The following SLC25A24 variants were observed in gnomAD, a reference collection of about 807,000 sequenced individuals.
SLC25A24 encodes the protein solute carrier family 25 member 24.
SLC25A24 carries 49 observed loss-of-function variants against 60.7 expected under a neutral mutation model. The observed-to-expected ratio is 0.81, with a 90% CI of 0.64 to 1.02. The LOEUF is 1.02. Among genes scored for constraint, SLC25A24 ranks in the 50% least tolerant of loss-of-function variants. The probability of loss-of-function intolerance (pLI) is 0.00; values close to 1 mark genes in which losing one functional copy is unlikely to be tolerated. For missense variants in SLC25A24, 564 were observed against 586.3 expected (o/e 0.96, Z 0.39); for synonymous variants, 202 against 200.6 (o/e 1.01, Z -0.06).
At chr1:108,175,035 G>A (rs1647619943) in intron 3 of SLC25A24, among the ~76,000 whole-genome samples, 1 of 152,172 alleles carries the variant, frequency 6.6e-6, no homozygotes, top group Non-Finnish European at 1.5e-5. Flanking sequence ...GGTTAACGCT[G>A]GAATGAGTTA....
At chr1:108,141,791 T>C (rs1679450186) in intron 8 of SLC25A24, among the ~76,000 whole-genome samples, 1 of 152,206 alleles carries the variant, frequency 6.6e-6, no homozygotes, top group Non-Finnish European at 1.5e-5. Context: ...ATTTCACTTA[T>C]ACAAGGTATT....
In SLC25A24 at chr1:108,165,777, C is replaced by A. The variant is rs546713628; in HGVS notation, c.399-4484G>T. 2.6e-5 allele frequency among the ~76,000 whole-genome samples: 4 copies of A among 152,216 alleles called. No homozygotes were observed. The South Asian group carries it at 8.3e-4, about 32-fold the overall frequency. Reference sequence around the variant, plus strand: ...GCCAGTCTGTGTCTTTTAATTGGAGCATTTAGTCCATTTACATTTAAAGTT... The same window carrying A: ...GCCAGTCTGTGTCTTTTAATTGGAGAATTTAGTCCATTTACATTTAAAGTT... On this transcript the variant is annotated intron_variant, in intron 3 of 9. Coordinates refer to ENST00000565488, the MANE Select transcript of SLC25A24 (RefSeq NM_013386.5).
At chr1:108,168,874 C>T (rs1346597624) in intron 3 of SLC25A24, among the ~76,000 whole-genome samples, 1 of 151,976 alleles carries the variant, frequency 6.6e-6, no homozygotes, top group Non-Finnish European at 1.5e-5. Context: ...TCTTTTCATT[C>T]CTATGTATGG....
chr1:108,189,855 A>G (rs1458719353), intron 1 of SLC25A24, among the ~76,000 whole-genome samples: 4 of 133,872 alleles, frequency 3.0e-5, no homozygotes, highest in Non-Finnish European at 6.3e-5. Flanking sequence ...AAGATAAAGT[A>G]AAAAAAAATT....
At chr1:108,156,251 A>G (rs1030211096) in intron 5 of SLC25A24, among the ~76,000 whole-genome samples, 15 of 152,228 alleles carry the variant, frequency 9.9e-5, no homozygotes, top group African/African-American at 3.6e-4. Flanking sequence ...CAGGGGTAAT[A>G]AGCTTTCAGT....
chr1:108,161,070 G>A, intron 4 of SLC25A24, 112 bp downstream of exon 4: 1 of 611,570 alleles, frequency 1.6e-6, no homozygotes, highest in Non-Finnish European at 2.9e-6. Flanking sequence ...AGGTTAAGGA[G>A]CTACTGGGAC....
intron 1 of SLC25A24, among the ~76,000 whole-genome samples, chr1:108,189,033 C>T (rs1648249773): frequency 6.6e-6 from 1 of 152,168 alleles, no homozygotes. Flanking sequence ...CAGCAAGTTG[C>T]TTCTTTTTTA....
In SLC25A24 at chr1:108,157,553, T is replaced by C; in HGVS notation, c.578A>G (p.Gln193Arg). 6.2e-7 allele frequency: 1 copy of C among 1,614,136 alleles called. No individual in the cohort carries two copies. The highest frequency in any genetic ancestry group is 1.1e-5 in the South Asian group (1 of 91,068). Residue 193 changes from glutamine (Q) to arginine (R), a missense_variant, in exon 5 of 10, where the codon CAA becomes CGA. Physicochemically the swap from Gln to Arg is conservative, Grantham distance 43. Coordinates refer to ENST00000565488, the MANE Select transcript of SLC25A24 (RefSeq NM_013386.5). ...TCCTGCCAAAAGCTGCCTCCACCAT[T>C]GTCCGGATTTTTTTTCGTCTTCCGT... ...EFTEDEKKSG[Q>R]WWRQLLAGGI...
intron 7 of SLC25A24, 43 bp downstream of exon 7, chr1:108,148,236 A>C (rs1679659949): frequency 8.5e-7 from 1 of 1,178,164 alleles, no homozygotes; most frequent in African/African-American, 1.5e-5. Context: ...TAGACAACCA[A>C]CACGAACACC....
Position 108,161,271 on chromosome 1 carries a change from T to C in SLC25A24, c.421A>G (p.Thr141Ala). 6.3e-7 allele frequency: 1 copy of C among 1,592,132 alleles called. No individual in the cohort carries two copies. The highest frequency in any genetic ancestry group is 8.6e-7 in the Non-Finnish European group (1 of 1,162,358). ...TCTCTCCATTCATTCCAGTCCACTG[T>C]CATTGTCCCATCAACATCAATGCTG... The part of the protein sequence containing the change: ...LQSIDVDGTM[T>A]VDWNEWRDYF... Residue 141 changes from threonine to alanine, a missense_variant, in exon 4 of 10, where the codon ACA becomes GCA. Physicochemically the swap from Thr to Ala is moderately conservative, Grantham distance 58 (BLOSUM62 0). Coordinates refer to ENST00000565488, the MANE Select transcript of SLC25A24 (RefSeq NM_013386.5).
chr1:108,180,818 T>A (rs571981202), intron 3 of SLC25A24, among the ~76,000 whole-genome samples: 25 of 152,326 alleles, frequency 1.6e-4, no homozygotes, highest in African/African-American at 5.8e-4. Flanking sequence ...ATCCAGCCTA[T>A]GGTATTTTGT....
intron 1 of SLC25A24, among the ~76,000 whole-genome samples, chr1:108,194,184 G>A (rs1450716204): frequency 7.2e-6 from 1 of 138,578 alleles, no homozygotes; most frequent in African/African-American, 2.5e-5. Flanking sequence ...AATACTCATA[G>A]GTTTCCCTCT....
chr1:108,139,163 T>G lies in SLC25A24; in HGVS notation c.1144A>C (p.Asn382His). ...CCCAGCAACACCATGACTCCAGGGT[T>G]TACAGAATCTTTTGCAAAATTATCC... ...WLDNFAKDSV[N>H]PGVMVLLGCG... The change falls in exon 9 of 10, where the codon AAC (asparagine) becomes CAC (histidine). Residue 382 changes from asparagine to histidine, a missense_variant. Coordinates refer to ENST00000565488, the MANE Select transcript of SLC25A24 (RefSeq NM_013386.5). The G allele has an allele frequency of 6.2e-7, 1 of 1,608,662 alleles. No individual in the cohort carries two copies. Among genetic ancestry groups the G allele is most frequent in the Non-Finnish European group, 8.5e-7 (1 of 1,177,600 alleles).
intron 8 of SLC25A24, among the ~76,000 whole-genome samples, chr1:108,142,696 T>C (rs757230551): frequency 6.6e-6 from 1 of 152,206 alleles, no homozygotes; most frequent in African/African-American, 2.4e-5. Context: ...ATAGTGTTGA[T>C]GGTTGCACAA....
chr1:108,148,138 T>G, intron 7 of SLC25A24, 141 bp downstream of exon 7: 2 of 643,750 alleles, frequency 3.1e-6, no homozygotes, highest in South Asian at 1.8e-5. Context: ...CCAGCTAAGC[T>G]GCTTCCAGAT....
intron 1 of SLC25A24, 176 bp downstream of exon 1, chr1:108,199,780 G>C: frequency 3.3e-6 from 2 of 598,926 alleles, no homozygotes; most frequent in Non-Finnish European, 3.0e-6. Flanking sequence ...TTCTGTTACC[G>C]GGGTCGCCGG....
chr1:108,155,163 A>G (rs1266524512), intron 5 of SLC25A24, 28 bp from the exon 6 acceptor site: 6 of 1,596,598 alleles, frequency 3.8e-6, no homozygotes, highest in Non-Finnish European at 3.4e-6. Context: ...ATGATATAAA[A>G]TGCTGGTGGC....
intron 1 of SLC25A24, among the ~76,000 whole-genome samples, chr1:108,197,297 A>G (rs1648524639): frequency 2.0e-5 from 3 of 152,220 alleles, no homozygotes; most frequent in Admixed American, 2.0e-4. Flanking sequence ...AAACTTAAAC[A>G]GAAATTTGTT....
intron 9 of SLC25A24, 81 bp from the exon 10 acceptor site, chr1:108,136,918 A>T: frequency 8.0e-7 from 1 of 1,255,192 alleles, no homozygotes; most frequent in Middle Eastern, 1.9e-4. Context: ...ACCCAGAATG[A>T]TATTCTAAAA....
Sources: gnomAD v4.1 joint callset for allele counts (sites outside exome capture counted in the v4.1 genomes callset) on GRCh38, gnomAD v4.1.1 for gene constraint, MANE v1.5 for transcripts, NCBI Gene and HGNC (gene_info 2026-07-23, HGNC 2026-07-21) for gene names.